Variants in LGSN observed in about 807,000 individuals in gnomAD.
LGSN encodes the protein lengsin, lens protein with glutamine synthetase domain.
In LGSN, 21 loss-of-function variants were observed where a neutral mutation model predicts 19.5. The observed-to-expected ratio is 1.07, with a 90% CI of 0.76 to 1.55. The LOEUF (loss-of-function observed/expected upper bound fraction) is 1.55, where lower values mean the gene tolerates loss of function less well. LGSN is among the 40% of genes most tolerant of loss of function. The pLI, the probability that LGSN is intolerant of heterozygous loss-of-function variation, is 0.00. For synonymous variants in LGSN, 257 were observed against 215.6 expected (o/e 1.19, Z -1.68); for missense variants, 673 against 608.5 (o/e 1.11, Z -1.12).
At chr6:63,407,717 T>A in the LGSN span, among the ~76,000 whole-genome samples, 277 of 152,250 alleles carry the variant, frequency 1.8e-3, 2 homozygotes, top group African/African-American at 5.3e-3. Context: ...GGTATTCAAT[T>A]AGGAAAAGAG....
chr6:63,320,872 T>A (rs546827740), upstream of LGSN, among the ~76,000 whole-genome samples: 53 of 152,340 alleles, frequency 3.5e-4, no homozygotes, highest in South Asian at 7.7e-3. Context: ...CAATCCTGCC[T>A]GACTCTCTTG....
chr6:63,425,407 G>T, the LGSN span, among the ~76,000 whole-genome samples: 1 of 152,128 alleles, frequency 6.6e-6, no homozygotes, highest in African/African-American at 2.4e-5. Flanking sequence ...ACAAATTTTG[G>T]TAAGTTCATG....
chr6:63,319,679 T>C (rs961941563), intron 1 of LGSN, among the ~76,000 whole-genome samples: 2 of 152,204 alleles, frequency 1.3e-5, no homozygotes, highest in African/African-American at 4.8e-5. Context: ...TAAATGATTA[T>C]TCAAACCAAA....
the LGSN span, among the ~76,000 whole-genome samples, chr6:63,381,642 A>T: frequency 6.6e-6 from 1 of 152,222 alleles, no homozygotes. Flanking sequence ...TCATCACCAC[A>T]AGTTTGCAAA....
the LGSN span, among the ~76,000 whole-genome samples, chr6:63,505,577 GAAAGAA>G: frequency 2.2e-3 from 40 of 18,192 alleles, 3 homozygotes; most frequent in African/African-American, 0.01. Context: ...AAGAAAGAAA[GAAAGAA>G]AGAAAGAAAG....
the LGSN span, among the ~76,000 whole-genome samples, chr6:63,448,973 C>T: frequency 6.6e-6 from 1 of 152,064 alleles, no homozygotes; most frequent in African/African-American, 2.4e-5. Flanking sequence ...TAGCATTTTA[C>T]ACTGTATTTG....
At chr6:63,454,470 C>CTTTTTTTTTTTTTTTTTTTTTTTTTTTT in the LGSN span, among the ~76,000 whole-genome samples, 2 of 118,652 alleles carry the variant, frequency 1.7e-5, no homozygotes, top group Non-Finnish European at 3.4e-5. Context: ...TTTACATTTT[C>CTTTTTTTTTTTTTTTTTTTTTTTTTTTT]TTTTTTTTTT....
At chr6:63,567,886 C>G in the LGSN span, among the ~76,000 whole-genome samples, 1 of 152,232 alleles carries the variant, frequency 6.6e-6, no homozygotes, top group Non-Finnish European at 1.5e-5. Context: ...ACTGCTTCAC[C>G]TTTCATTTTT....
the LGSN span, among the ~76,000 whole-genome samples, chr6:63,531,693 T>C: frequency 1.3e-5 from 2 of 152,104 alleles, no homozygotes; most frequent in Non-Finnish European, 2.9e-5. Flanking sequence ...GGTTTTACCA[T>C]GTTGCCCAGG....
chr6:63,549,075 G>C, the LGSN span: 1 of 714,366 alleles, frequency 1.4e-6, no homozygotes, highest in Admixed American at 2.0e-5. Flanking sequence ...CTCTAGCAAG[G>C]TGGTGATGGT....
At chr6:63,362,558 C>G in the LGSN span, among the ~76,000 whole-genome samples, 1 of 152,204 alleles carries the variant, frequency 6.6e-6, no homozygotes, top group East Asian at 1.9e-4. Context: ...TATCCCCCGC[C>G]TGGCTCAGAG....
chr6:63,320,876 T>A (rs1769057778), upstream of LGSN, among the ~76,000 whole-genome samples: 1 of 152,194 alleles, frequency 6.6e-6, no homozygotes, highest in Non-Finnish European at 1.5e-5. Context: ...CCTGCCTGAC[T>A]CTCTTGGCCC....
the LGSN span, among the ~76,000 whole-genome samples, chr6:63,417,244 C>T: frequency 6.6e-6 from 1 of 152,250 alleles, no homozygotes; most frequent in Middle Eastern, 3.4e-3. Context: ...CTTTCCATGG[C>T]TGCAGCTGAA....
At chr6:63,554,794 T>A in the LGSN span, among the ~76,000 whole-genome samples, 81,166 of 151,920 alleles carry the variant, frequency 0.53, 23,469 homozygotes, top group African/African-American at 0.77. Flanking sequence ...CTCAAAAAAA[T>A]GGAACAATTT....
chr6:63,442,575 T>C, the LGSN span, among the ~76,000 whole-genome samples: 8 of 152,232 alleles, frequency 5.3e-5, no homozygotes, highest in Admixed American at 4.6e-4. Flanking sequence ...CACAGAGCAC[T>C]GATTGGTGTG....
chr6:63,447,587 T>C, the LGSN span, among the ~76,000 whole-genome samples: 1 of 152,220 alleles, frequency 6.6e-6, no homozygotes, highest in East Asian at 1.9e-4. Context: ...ACAATCTTTA[T>C]AGTGTTCTTA....
the LGSN span, among the ~76,000 whole-genome samples, chr6:63,491,283 T>C: frequency 1.3e-5 from 2 of 152,158 alleles, no homozygotes; most frequent in Non-Finnish European, 2.9e-5. Context: ...CCTACAGCAA[T>C]GCTTTTTGCT....
At chr6:63,507,494 T>A in the LGSN span, among the ~76,000 whole-genome samples, 1 of 152,204 alleles carries the variant, frequency 6.6e-6, no homozygotes, top group African/African-American at 2.4e-5. Context: ...ACTTACTGTA[T>A]CTGATAACAT....
At chr6:63,444,189 C>A in the LGSN span, among the ~76,000 whole-genome samples, 4 of 151,846 alleles carry the variant, frequency 2.6e-5, no homozygotes, top group Non-Finnish European at 5.9e-5. Flanking sequence ...TTAATCTTCT[C>A]AACAACTCTA....
Sources: gnomAD v4.1 joint callset for allele counts (sites outside exome capture counted in the v4.1 genomes callset) on GRCh38, gnomAD v4.1.1 for gene constraint, MANE v1.5 for transcripts, NCBI Gene and HGNC (gene_info 2026-07-23, HGNC 2026-07-21) for gene names.